CCDC178: variants seen among roughly 807,000 people sequenced by gnomAD.
CCDC178 encodes coiled-coil domain containing 178.
A neutral mutation model predicts 117.4 loss-of-function variants in CCDC178; 126 were observed. The observed-to-expected ratio is 1.07, with a 90% confidence interval of 0.93 to 1.24. The LOEUF (loss-of-function observed/expected upper bound fraction) is 1.24, where lower values mean the gene tolerates loss of function less well. Ranked by LOEUF, CCDC178 falls within the 50% of genes most tolerant of loss-of-function variation. The pLI is 0.00. For missense variants in CCDC178, 1,030 were observed against 986.9 expected (o/e 1.04, Z -0.59); for synonymous variants, 283 against 313.4 (o/e 0.90, Z 1.02).
chr18:33,296,546 A>G (rs987513567), intron 11 of CCDC178, among the ~76,000 whole-genome samples: 2 of 152,176 alleles, frequency 1.3e-5, no homozygotes, highest in Non-Finnish European at 2.9e-5. Context: ...ACAGGACTCT[A>G]TGTCTAAACT....
At chr18:33,385,278 T>A (rs531123545) in intron 5 of CCDC178, among the ~76,000 whole-genome samples, 2 of 152,142 alleles carry the variant, frequency 1.3e-5, no homozygotes, top group African/African-American at 4.8e-5. Flanking sequence ...GAGACTTTAA[T>A]AACTCACTGT....
chr18:33,142,037 CAAAT>C (rs1444690888), intron 20 of CCDC178, among the ~76,000 whole-genome samples: 1 of 152,134 alleles, frequency 6.6e-6, no homozygotes, highest in African/African-American at 2.4e-5. Context: ...TAACAACAAA[CAAAT>C]AAAAGCCTAT....
At chr18:33,047,764 G>A (rs1453911662) in intron 21 of CCDC178, among the ~76,000 whole-genome samples, 4 of 152,094 alleles carry the variant, frequency 2.6e-5, no homozygotes, top group African/African-American at 9.7e-5. Context: ...ATGCTAAACT[G>A]GGTTTTGCCA....
intron 22 of CCDC178, among the ~76,000 whole-genome samples, chr18:32,962,341 T>C (rs1214855794): frequency 6.6e-6 from 1 of 152,124 alleles, no homozygotes; most frequent in Non-Finnish European, 1.5e-5. Context: ...ATATTTCTCA[T>C]AGCTATTCTT....
chr18:33,231,669 C>T (rs560088792), intron 15 of CCDC178, among the ~76,000 whole-genome samples: 57 of 152,232 alleles, frequency 3.7e-4, no homozygotes, highest in African/African-American at 1.3e-3. Flanking sequence ...TGTCCTGGTT[C>T]CTTGTTCCAG....
At chr18:33,266,657 G>C (rs1599076242) in intron 14 of CCDC178, among the ~76,000 whole-genome samples, 1 of 137,738 alleles carries the variant, frequency 7.3e-6, no homozygotes, top group African/African-American at 2.6e-5. Context: ...AGGGGGAGGG[G>C]GGAGGGATAG....
intron 20 of CCDC178, among the ~76,000 whole-genome samples, chr18:33,185,938 C>CCACTACCAA (rs1199560503): frequency 6.6e-6 from 1 of 152,018 alleles, no homozygotes; most frequent in Non-Finnish European, 1.5e-5. Context: ...CACTACACTA[C>CCACTACCAA]CACTACCAAC....
At chr18:33,173,363 A>C (rs1319830376) in intron 20 of CCDC178, among the ~76,000 whole-genome samples, 1 of 152,102 alleles carries the variant, frequency 6.6e-6, no homozygotes, top group Non-Finnish European at 1.5e-5. Flanking sequence ...TCAGTTTTAT[A>C]GAAACTTCTA....
chr18:33,325,822 TAA>T (rs2062577018), intron 10 of CCDC178, among the ~76,000 whole-genome samples: 1 of 151,994 alleles, frequency 6.6e-6, no homozygotes, highest in Non-Finnish European at 1.5e-5. Flanking sequence ...TAAATTTTCT[TAA>T]GTTTATTTGT....
intron 22 of CCDC178, among the ~76,000 whole-genome samples, chr18:32,948,239 G>A (rs887172214): frequency 2.0e-5 from 3 of 152,000 alleles, no homozygotes; most frequent in South Asian, 2.1e-4. Context: ...ATGAAAAAGC[G>A]TCTTGGAATT....
intron 20 of CCDC178, among the ~76,000 whole-genome samples, chr18:33,162,826 T>C (rs1354469102): frequency 6.6e-6 from 1 of 152,216 alleles, no homozygotes. Context: ...ATTTATCTAA[T>C]GTATCACTGA....
intron 22 of CCDC178, chr18:32,958,298 A>G: frequency 2.5e-6 from 1 of 407,992 alleles, no homozygotes; most frequent in Non-Finnish European, 4.6e-6. Context: ...GCAAGTTTTC[A>G]TTTCTGTGAA....
intron 21 of CCDC178, among the ~76,000 whole-genome samples, chr18:32,997,102 C>T (rs1167595426): frequency 5.9e-5 from 9 of 151,940 alleles, no homozygotes; most frequent in Admixed American, 5.9e-4. Flanking sequence ...AGTTATCATC[C>T]CTGGGAATTC....
chr18:33,186,549 G>A (rs1220588765), intron 20 of CCDC178, among the ~76,000 whole-genome samples: 1 of 152,056 alleles, frequency 6.6e-6, no homozygotes, highest in Admixed American at 6.6e-5. Flanking sequence ...ACGTAGTTGA[G>A]GTTAAAGTCT....
intron 22 of CCDC178, among the ~76,000 whole-genome samples, chr18:32,941,513 T>C (rs961692819): frequency 6.6e-6 from 1 of 152,174 alleles, no homozygotes; most frequent in Non-Finnish European, 1.5e-5. Flanking sequence ...GCTGTCCTAA[T>C]AATTTATTAG....
intron 20 of CCDC178, among the ~76,000 whole-genome samples, chr18:33,100,083 T>G (rs541591678): frequency 3.9e-4 from 60 of 151,994 alleles, no homozygotes; most frequent in African/African-American, 1.4e-3. Flanking sequence ...TGACACTGTT[T>G]GATGAAAGCC....
intron 5 of CCDC178, among the ~76,000 whole-genome samples, chr18:33,378,259 T>C (rs530315224): frequency 4.5e-4 from 68 of 152,352 alleles, no homozygotes; most frequent in African/African-American, 1.4e-3. Context: ...ATTCTTGGTA[T>C]ACAGAATTGC....
chr18:32,959,076 T>G (rs1568181709), intron 22 of CCDC178, among the ~76,000 whole-genome samples: 1 of 152,310 alleles, frequency 6.6e-6, no homozygotes, highest in African/African-American at 2.4e-5. Context: ...TTGATGAAAC[T>G]GAAACCTGTT....
At chr18:33,117,695 C>T (rs563664779) in intron 20 of CCDC178, among the ~76,000 whole-genome samples, 3 of 151,096 alleles carry the variant, frequency 2.0e-5, no homozygotes, top group Admixed American at 6.6e-5. Context: ...ACGTTGTGCA[C>T]ATATACCCTA....
Sources: gnomAD v4.1 joint callset for allele counts (sites outside exome capture counted in the v4.1 genomes callset) on GRCh38, gnomAD v4.1.1 for gene constraint, MANE v1.5 for transcripts, NCBI Gene and HGNC (gene_info 2026-07-23, HGNC 2026-07-21) for gene names.